The following SLC38A9 variants were observed in gnomAD, a reference collection of about 807,000 sequenced individuals.
SLC38A9 encodes neutral amino acid transporter 9.
Under a neutral mutation model 62.3 loss-of-function variants are expected in SLC38A9, and 48 were observed. That is an observed-to-expected ratio of 0.77 (90% CI 0.61 to 0.98). The LOEUF is 0.98. SLC38A9 is among the 50% of genes least tolerant of loss of function. The pLI is 0.00. For missense variants in SLC38A9, 541 were observed against 679.8 expected, an observed-to-expected ratio of 0.80 and a Z score of 2.27; for synonymous variants, 204 against 227.7, an observed-to-expected ratio of 0.90 and a Z score of 0.94.
In SLC38A9 at chr5:55,695,425, C is replaced by T. The variant is rs62363569; in HGVS notation, c.113+2421G>A. 2.7e-4 allele frequency among the ~76,000 whole-genome samples: 24 copies of T among 88,278 alleles called. 8 individuals are homozygous for T. The South Asian group carries it at 6.4e-3, about 24-fold the overall frequency. The allele number at this position is 88,278 out of a possible 152,430, so 57.9% of individuals were successfully genotyped here. On this transcript the variant is annotated intron_variant, in intron 3 of 15. Transcript: ENST00000396865. ...CAGAGGACCCTGCGGCCTTCTGCAG[C>T]GGTTGTGTCCCTGGGTACTTGAGAT...
At chr5:55,633,041 C>T (rs575999507) in intron 14 of SLC38A9, among the ~76,000 whole-genome samples, 1 of 151,620 alleles carries the variant, frequency 6.6e-6, no homozygotes, top group Non-Finnish European at 1.5e-5. Flanking sequence ...CAGGGTCTCA[C>T]TGTATCACCC....
chr5:55,653,815 T>A (rs1015164096), intron 9 of SLC38A9, among the ~76,000 whole-genome samples: 3 of 152,062 alleles, frequency 2.0e-5, no homozygotes, highest in Non-Finnish European at 4.4e-5. Flanking sequence ...CATGCCACCA[T>A]GCCCGGCTAA....
Position 55,645,914 on chromosome 5 carries a change from C to G in SLC38A9, c.1061-19G>C. Reference sequence around the variant, plus strand: ...CTTATCTCTAGGAGAAAAATAAAAACAAGAACATTAAAACTGACAATTAGA... The same window carrying G: ...CTTATCTCTAGGAGAAAAATAAAAAGAAGAACATTAAAACTGACAATTAGA... On this transcript the variant is annotated intron_variant, in intron 11 of 15. Transcript: ENST00000396865. The G allele has an allele frequency of 6.6e-7, 1 of 1,508,138 alleles. No homozygotes were observed. The highest frequency in any genetic ancestry group is 1.9e-5 in the Admixed American group (1 of 51,362). The allele number at this position is 1,508,138 out of a possible 1,614,324, so 93.4% of individuals were successfully genotyped here. A position where few individuals can be genotyped will look rare whatever the true frequency, so the allele number is the denominator to read the frequency against.
chr5:55,689,902 T>C (rs75955852), intron 3 of SLC38A9, among the ~76,000 whole-genome samples: 14,394 of 152,126 alleles, frequency 0.095, 792 homozygotes, highest in East Asian at 0.19. Flanking sequence ...GAAAAGATGA[T>C]AAAGCAAAAC....
intron 3 of SLC38A9, among the ~76,000 whole-genome samples, chr5:55,689,007 A>G (rs754829268): frequency 9.9e-5 from 15 of 152,224 alleles, no homozygotes; most frequent in South Asian, 4.1e-4. Flanking sequence ...TTTGATAGAC[A>G]TAAGTAAAAA....
At chr5:55,648,328 A>G (rs183665636) in intron 11 of SLC38A9, among the ~76,000 whole-genome samples, 81 of 152,360 alleles carry the variant, frequency 5.3e-4, no homozygotes, top group Admixed American at 1.0e-3. Context: ...ATTATGAATA[A>G]TGCTGCTATA....
At chr5:55,687,726 A>G (rs557093312) in intron 3 of SLC38A9, among the ~76,000 whole-genome samples, 2 of 152,138 alleles carry the variant, frequency 1.3e-5, no homozygotes, top group East Asian at 3.9e-4. Context: ...TTTGAGACAG[A>G]GTCTCACTGT....
chr5:55,673,081 G>A (rs1446243923), intron 3 of SLC38A9, among the ~76,000 whole-genome samples: 1 of 152,166 alleles, frequency 6.6e-6, no homozygotes. Context: ...GAGAAATTAT[G>A]GACTAAAATG....
chr5:55,651,125 T>A (rs1477784245), intron 10 of SLC38A9, among the ~76,000 whole-genome samples: 1 of 151,732 alleles, frequency 6.6e-6, no homozygotes, highest in African/African-American at 2.4e-5. Flanking sequence ...CTGCCAGAGA[T>A]CACATCCACA....
chr5:55,667,453 C>G (rs2150325594), intron 7 of SLC38A9, among the ~76,000 whole-genome samples: 1 of 152,122 alleles, frequency 6.6e-6, no homozygotes, highest in South Asian at 2.1e-4. Context: ...TTTTTGATAT[C>G]TATTGATGTA....
intron 2 of SLC38A9, among the ~76,000 whole-genome samples, chr5:55,710,086 GAAAAAA>G (rs11394301): frequency 8.4e-6 from 1 of 118,904 alleles, no homozygotes; most frequent in African/African-American, 3.2e-5. Flanking sequence ...AAAAAAAAAA[GAAAAAA>G]AAAAGAAAAA....
At chr5:55,629,141 G>A (rs1185933228) in intron 14 of SLC38A9, among the ~76,000 whole-genome samples, 3 of 152,058 alleles carry the variant, frequency 2.0e-5, no homozygotes, top group Non-Finnish European at 2.9e-5. Context: ...CATTATAAAC[G>A]GAAACAACTT....
intron 12 of SLC38A9, among the ~76,000 whole-genome samples, chr5:55,639,272 T>TAAAAAAAA (rs753043231): frequency 2.0e-4 from 11 of 54,642 alleles, no homozygotes; most frequent in African/African-American, 6.8e-4. Flanking sequence ...AAACTCTGTC[T>TAAAAAAAA]AAAAAAAAAA....
At chr5:55,650,955 C>A (rs547519921) in intron 10 of SLC38A9, among the ~76,000 whole-genome samples, 64 of 152,086 alleles carry the variant, frequency 4.2e-4, no homozygotes, top group African/African-American at 1.5e-3. Flanking sequence ...CCATGCCTGG[C>A]TAATTTTGTA....
At chr5:55,635,207 G>A in intron 13 of SLC38A9, 1 of 270,626 alleles carries the variant, frequency 3.7e-6, no homozygotes, top group Middle Eastern at 1.3e-3. Context: ...ATAACTACAT[G>A]AGAACTACTT....
chr5:55,628,797 T>C (rs1367468643), intron 14 of SLC38A9, among the ~76,000 whole-genome samples: 3 of 152,142 alleles, frequency 2.0e-5, no homozygotes, highest in African/African-American at 7.2e-5. Context: ...AATTCAAGGT[T>C]TGGGAAACAA....
chr5:55,708,220 C>G (rs2150735965), intron 2 of SLC38A9, among the ~76,000 whole-genome samples: 1 of 152,218 alleles, frequency 6.6e-6, no homozygotes, highest in South Asian at 2.1e-4. Context: ...ATCTCAGCTA[C>G]TCGGGAGGCT....
chr5:55,709,651 C>T (rs1389310448), intron 2 of SLC38A9, among the ~76,000 whole-genome samples: 1 of 152,012 alleles, frequency 6.6e-6, no homozygotes, highest in African/African-American at 2.4e-5. Flanking sequence ...GGTATTCCAT[C>T]CTCCTATGCT....
Position 55,679,744 on chromosome 5 carries a change from C to T in SLC38A9, c.114-7049G>A, listed in dbSNP as rs1466586323. Among the ~76,000 whole-genome samples, 5 of 152,178 alleles carry T rather than the reference C, an allele frequency of 3.3e-5. No individual in the cohort carries two copies. In the East Asian group the frequency reaches 7.7e-4, roughly 23 times the overall value. The stretch of plus-strand genomic sequence containing the variant: ...ACCACCACCACCACTGCAACCACTC[C>T]ATTCCATCTACTATCTAGAAAGAGC... On this transcript the variant is annotated intron_variant, in intron 3 of 15. Coordinates refer to ENST00000396865, the MANE Select transcript of SLC38A9 (RefSeq NM_173514.4).
Sources: gnomAD v4.1 joint callset for allele counts (sites outside exome capture counted in the v4.1 genomes callset) on GRCh38, gnomAD v4.1.1 for gene constraint, MANE v1.5 for transcripts, NCBI Gene and HGNC (gene_info 2026-07-23, HGNC 2026-07-21) for gene names.